UTY: variants seen among roughly 807,000 people sequenced by gnomAD.
UTY encodes histone demethylase UTY.
UTY carries 12 observed loss-of-function variants against 32.5 expected under a neutral mutation model. The ratio of observed to expected loss-of-function variants is 0.37; its 90% CI spans 0.24 to 0.60. The LOEUF (loss-of-function observed/expected upper bound fraction) is 0.60, where lower values mean the gene tolerates loss of function less well. UTY is among the 20% of genes least tolerant of loss of function. The pLI is 0.69. For missense variants in UTY, 303 were observed against 299.2 expected (o/e 1.01, Z -0.09); for synonymous variants, 131 against 103.4 (o/e 1.27, Z -1.62).
At chrY:13,427,361 C>T (rs2073445241) in intron 4 of UTY, among the ~76,000 whole-genome samples, 1 of 33,791 alleles carries the variant, frequency 3.0e-5, no homozygotes, top group African/African-American at 1.1e-4. Context: ...AATAAGAATG[C>T]TGACTGTTAA....
intron 3 of UTY, among the ~76,000 whole-genome samples, chrY:13,466,905 A>C: frequency 2.9e-5 from 1 of 34,140 alleles, no homozygotes; most frequent in Non-Finnish European, 7.3e-5. Flanking sequence ...GTCTAAAAAG[A>C]CTAATTCTTT....
At chrY:13,381,278 T>C (rs2066118932) in intron 8 of UTY, among the ~76,000 whole-genome samples, 1 of 34,500 alleles carries the variant, frequency 2.9e-5, no homozygotes, top group Non-Finnish European at 7.3e-5. Context: ...GGCTTACGCC[T>C]GTAATCCCAG....
intron 27 of UTY, among the ~76,000 whole-genome samples, chrY:13,290,016 T>C (rs2057670278): frequency 3.3e-5 from 1 of 30,373 alleles, no homozygotes; most frequent in Non-Finnish European, 7.9e-5. Context: ...AAAAAAACAA[T>C]AGCTGACTTG....
At chrY:13,350,933 C>T (rs2062356488) in intron 17 of UTY, among the ~76,000 whole-genome samples, 1 of 32,913 alleles carries the variant, frequency 3.0e-5, no homozygotes, top group Non-Finnish European at 7.4e-5. Flanking sequence ...TTAAAAGGGA[C>T]AGGAATTGCT....
intron 6 of UTY, among the ~76,000 whole-genome samples, chrY:13,399,758 A>G (rs905242730): frequency 1.5e-4 from 5 of 33,417 alleles, no homozygotes; most frequent in Admixed American, 5.4e-4. Flanking sequence ...AAAATAGGCG[A>G]TTCTGACATA....
rs1378686189 is a variant in UTY, at chrY:13,355,207, A to C, written c.1857T>G (p.Ser619=). The change falls in exon 17 of 30, where the codon TCT becomes TCG. Residue 619 remains serine, a synonymous_variant. Coordinates refer to ENST00000545955, the MANE Select transcript of UTY (RefSeq NM_001258249.2). ...ATGTGCCACAAGGAATACAGCCTGC[A>C]GAAAAAGCTCCACTGGACAAAAGTT... The part of the protein sequence containing the change: ...VEKLLSSGAF[S]AGCIPCGTSK... 2.5e-6 allele frequency: 1 copy of C among 396,766 alleles called. No homozygotes were observed. The highest frequency in any genetic ancestry group is 9.2e-5 in the East Asian group (1 of 10,821).
chrY:13,346,556 AT>A, intron 17 of UTY, among the ~76,000 whole-genome samples: 1 of 32,947 alleles, frequency 3.0e-5, no homozygotes, highest in Non-Finnish European at 7.5e-5. Context: ...CCACAAGAAA[AT>A]TTTACCTTAC....
At chrY:13,342,967 T>C in intron 17 of UTY, among the ~76,000 whole-genome samples, 1 of 33,411 alleles carries the variant, frequency 3.0e-5, no homozygotes, top group Non-Finnish European at 7.4e-5. Flanking sequence ...GCAAAACCAC[T>C]GTATGAGGCT....
At chrY:13,266,702 G>A (rs2055841647) in intron 27 of UTY, among the ~76,000 whole-genome samples, 1 of 33,180 alleles carries the variant, frequency 3.0e-5, no homozygotes, top group African/African-American at 1.2e-4. Context: ...ATTCTGGTAT[G>A]TTGTGCCTTT....
chrY:13,237,317 T>G, intron 28 of UTY, among the ~76,000 whole-genome samples: 1 of 33,727 alleles, frequency 3.0e-5, no homozygotes, highest in African/African-American at 1.2e-4. Context: ...CTAGGGGCAT[T>G]TGCTTTCTCC....
chrY:13,323,453 TA>T, intron 21 of UTY, 101 bp downstream of exon 21: 15 of 190,417 alleles, frequency 7.9e-5, no homozygotes, highest in Non-Finnish European at 1.3e-4. Flanking sequence ...ATGAGCACTT[TA>T]AAAACATACT....
At chrY:13,287,116 A>C in intron 27 of UTY, 1 of 350,278 alleles carries the variant, frequency 2.9e-6, no homozygotes, top group Non-Finnish European at 4.2e-6. Context: ...GCAGGTTACT[A>C]TTGTGGGTGT....
intron 24 of UTY, among the ~76,000 whole-genome samples, chrY:13,304,844 T>A: frequency 9.3e-5 from 3 of 32,277 alleles, no homozygotes; most frequent in African/African-American, 3.6e-4. Flanking sequence ...AGTTTTTTTT[T>A]AATAGAATAC....
chrY:13,437,564 G>A, intron 4 of UTY, among the ~76,000 whole-genome samples: 2 of 33,780 alleles, frequency 5.9e-5, no homozygotes, highest in East Asian at 7.8e-4. Context: ...GGCAGTATGC[G>A]GAAGCTCAGT....
intron 8 of UTY, among the ~76,000 whole-genome samples, chrY:13,378,601 C>A (rs1040171196): frequency 6.2e-5 from 2 of 32,316 alleles, no homozygotes; most frequent in East Asian, 1.6e-3. Flanking sequence ...ATGGCAAAAC[C>A]CTGTCTCTAC....
At chrY:13,478,171 A>C in intron 2 of UTY, among the ~76,000 whole-genome samples, 1 of 33,409 alleles carries the variant, frequency 3.0e-5, no homozygotes, top group East Asian at 7.8e-4. Flanking sequence ...TGAAATTCTT[A>C]ACTACTGGCT....
chrY:13,272,785 G>C, intron 27 of UTY, among the ~76,000 whole-genome samples: 1 of 33,290 alleles, frequency 3.0e-5, no homozygotes, highest in South Asian at 6.7e-4. Flanking sequence ...CTGTCATTGA[G>C]GCTCAGTGCA....
chrY:13,241,438 C>T (rs2053899963), intron 28 of UTY, among the ~76,000 whole-genome samples: 1 of 32,949 alleles, frequency 3.0e-5, no homozygotes, highest in African/African-American at 1.2e-4. Context: ...ACTATGCAAT[C>T]GAATGATGCA....
chrY:13,419,232 G>C (rs2072202479), intron 4 of UTY, among the ~76,000 whole-genome samples: 1 of 33,647 alleles, frequency 3.0e-5, no homozygotes, highest in Admixed American at 2.7e-4. Flanking sequence ...GAGCATCCCA[G>C]AGAGTTCCCC....
Sources: gnomAD v4.1 joint callset for allele counts (sites outside exome capture counted in the v4.1 genomes callset) on GRCh38, gnomAD v4.1.1 for gene constraint, MANE v1.5 for transcripts, NCBI Gene and HGNC (gene_info 2026-07-23, HGNC 2026-07-21) for gene names.